ZCCHC4: variants seen among roughly 807,000 people sequenced by gnomAD.
ZCCHC4 encodes the protein rRNA N(6)-adenosine-methyltransferase ZCCHC4.
Under a neutral mutation model 67.7 loss-of-function variants are expected in ZCCHC4, and 54 were observed. The ratio of observed to expected loss-of-function variants is 0.80; its 90% CI spans 0.64 to 1.00. The LOEUF is 1.00. Among genes scored for constraint, ZCCHC4 ranks in the 50% least tolerant of loss-of-function variants. ZCCHC4 has a pLI of 0.00. For missense variants in ZCCHC4, 609 were observed against 617.0 expected, an observed-to-expected ratio of 0.99 and a Z score of 0.14; for synonymous variants, 198 against 213.5, an observed-to-expected ratio of 0.93 and a Z score of 0.63.
intron 5 of ZCCHC4, among the ~76,000 whole-genome samples, chr4:25,334,464 G>A (rs948664477): frequency 6.6e-6 from 1 of 152,156 alleles, no homozygotes; most frequent in African/African-American, 2.4e-5. Flanking sequence ...CTAAGTAGGG[G>A]ATAGACAGGT....
chr4:25,366,996 T>G (rs1469576427), intron 12 of ZCCHC4, among the ~76,000 whole-genome samples: 1 of 152,140 alleles, frequency 6.6e-6, no homozygotes, highest in East Asian at 1.9e-4. Context: ...ACACCTAAAC[T>G]CCTGTTAATA....
chr4:25,361,463 A>G (rs1442825030), intron 8 of ZCCHC4, among the ~76,000 whole-genome samples: 1 of 152,240 alleles, frequency 6.6e-6, no homozygotes, highest in East Asian at 1.9e-4. Context: ...CATGTTATAT[A>G]ACCACGCCAT....
chr4:25,336,395 C>G (rs969935296), intron 5 of ZCCHC4, among the ~76,000 whole-genome samples: 1 of 151,982 alleles, frequency 6.6e-6, no homozygotes, highest in African/African-American at 2.4e-5. Context: ...ATTCTGTGTT[C>G]CTTTCCTAAA....
At chr4:25,326,442 G>A (rs1718889650) in intron 3 of ZCCHC4, among the ~76,000 whole-genome samples, 1 of 152,210 alleles carries the variant, frequency 6.6e-6, no homozygotes, top group Non-Finnish European at 1.5e-5. Flanking sequence ...CTCTTTGGTA[G>A]GATGTGGGGA....
chr4:25,333,156 T>A (rs1285149858), intron 3 of ZCCHC4, 27 bp from the exon 4 acceptor site: 1 of 1,592,070 alleles, frequency 6.3e-7, no homozygotes, highest in South Asian at 1.1e-5. Context: ...TAAAATATAT[T>A]TCTTTGTGTT....
chr4:25,324,995 G>C (rs1050075710), intron 3 of ZCCHC4, among the ~76,000 whole-genome samples: 1 of 152,050 alleles, frequency 6.6e-6, no homozygotes, highest in Non-Finnish European at 1.5e-5. Context: ...TGTAATCCCA[G>C]CACTTTGGGA....
At chr4:25,323,022 A>G (rs1302493338) in intron 3 of ZCCHC4, among the ~76,000 whole-genome samples, 1 of 152,228 alleles carries the variant, frequency 6.6e-6, no homozygotes, top group Non-Finnish European at 1.5e-5. Flanking sequence ...GCATCACATC[A>G]AAAGGCAGAT....
At chr4:25,355,523 TG>T (rs1320262512) in intron 8 of ZCCHC4, among the ~76,000 whole-genome samples, 1 of 152,180 alleles carries the variant, frequency 6.6e-6, no homozygotes, top group Admixed American at 6.5e-5. Flanking sequence ...CCACCTGAGA[TG>T]TTCTGCTCTC....
chr4:25,369,158 C>T lies in ZCCHC4; in HGVS notation c.1536C>T (p.Gly512=), dbSNP rs1241769413. 1 of 1,610,012 alleles carries T rather than the reference C, an allele frequency of 6.2e-7. No homozygotes were observed. The highest frequency in any genetic ancestry group is 8.5e-7 in the Non-Finnish European group (1 of 1,179,190). Residue 512 remains glycine (G), a synonymous_variant, in exon 13 of 13, where the codon GGC becomes GGT. Transcript: ENST00000302874. ...KRRERAHQYL[G]S ...GGGAAAGAGCCCATCAATATCTTGG[C>T]TCTTAAATGTCCAGTGACTGGAGAA...
rs1377927598 is a variant in ZCCHC4, at chr4:25,312,846, G to A, written c.37G>A (p.Ala13Thr). ...CAGGAATGGGTTTGAAGCCGTGGAG[G>A]CAGAGGGCAGCGCAGGGTGCCGGGG... ...ASRNGFEAVE[A>T]EGSAGCRGSS... Residue 13 changes from alanine (A) to threonine (T), a missense_variant, in exon 1 of 13, where the codon GCA (alanine) becomes ACA (threonine). Coordinates refer to ENST00000302874, the MANE Select transcript of ZCCHC4 (RefSeq NM_024936.3). 6.2e-7 allele frequency: 1 copy of A among 1,613,282 alleles called. No homozygotes were observed. Among genetic ancestry groups the A allele is most frequent in the East Asian group, 2.2e-5 (1 of 44,872 alleles).
intron 6 of ZCCHC4, 131 bp from the exon 7 acceptor site, chr4:25,349,361 C>T (rs1214921683): frequency 2.6e-6 from 2 of 764,746 alleles, no homozygotes; most frequent in Admixed American, 2.7e-5. Flanking sequence ...CTGAGGAATG[C>T]TGCGGTGGCA....
chr4:25,346,876 A>T (rs1041571953), intron 6 of ZCCHC4, among the ~76,000 whole-genome samples: 4 of 152,196 alleles, frequency 2.6e-5, no homozygotes, highest in Non-Finnish European at 5.9e-5. Flanking sequence ...CGCAGCTGGG[A>T]CAGTGGCAGT....
chr4:25,353,457 G>A (rs1469277381), intron 8 of ZCCHC4, among the ~76,000 whole-genome samples: 2 of 152,292 alleles, frequency 1.3e-5, no homozygotes, highest in African/African-American at 2.4e-5. Context: ...TCTGTTTCTT[G>A]TCTGAGGGAT....
At chr4:25,337,872 C>T (rs893432366) in intron 5 of ZCCHC4, among the ~76,000 whole-genome samples, 1 of 152,064 alleles carries the variant, frequency 6.6e-6, no homozygotes, top group African/African-American at 2.4e-5. Context: ...AGTGGACTTA[C>T]TTACAAACAG....
intron 8 of ZCCHC4, among the ~76,000 whole-genome samples, chr4:25,355,310 GAA>G (rs1161483109): frequency 6.6e-6 from 1 of 152,182 alleles, no homozygotes; most frequent in Non-Finnish European, 1.5e-5. Context: ...GATTGAATCA[GAA>G]AAGAGATGGT....
At chr4:25,335,457 A>T (rs1374726250) in intron 5 of ZCCHC4, among the ~76,000 whole-genome samples, 1 of 152,016 alleles carries the variant, frequency 6.6e-6, no homozygotes, top group African/African-American at 2.4e-5. Context: ...CAAAAAAGAT[A>T]ATAATCATAA....
At chr4:25,366,039 A>C in intron 12 of ZCCHC4, 1 of 978,376 alleles carries the variant, frequency 1.0e-6, no homozygotes, top group South Asian at 4.7e-5. Flanking sequence ...CTACCATGTG[A>C]CTATGACTTG....
At position 25,362,257 on chromosome 4, in the gene ZCCHC4, C is replaced by G. The variant is rs756659982; in HGVS notation, c.1165C>G (p.Leu389Val). 6.2e-7 allele frequency: 1 copy of G among 1,611,448 alleles called. No homozygotes were observed. The highest frequency in any genetic ancestry group is 8.5e-7 in the Non-Finnish European group (1 of 1,178,514). The change falls in exon 10 of 13, where the codon CTA becomes GTA. Residue 389 changes from leucine to valine, a missense_variant. Coordinates refer to ENST00000302874, the MANE Select transcript of ZCCHC4 (RefSeq NM_024936.3). ...CTCTCCGTGTCAACGGTATGTTTCT[C>G]TAGAGAATCAACACTGTGAGCTCTG... is the stretch of plus-strand genomic sequence containing the variant. ...FCSPCQRYVS[L>V]ENQHCELCNS...
chr4:25,340,117 C>G (rs922477791), intron 5 of ZCCHC4, among the ~76,000 whole-genome samples: 3 of 152,170 alleles, frequency 2.0e-5, no homozygotes. Flanking sequence ...ATCCACCCGC[C>G]TCGGCCTCCC....
Sources: gnomAD v4.1 joint callset for allele counts (sites outside exome capture counted in the v4.1 genomes callset) on GRCh38, gnomAD v4.1.1 for gene constraint, MANE v1.5 for transcripts, NCBI Gene and HGNC (gene_info 2026-07-23, HGNC 2026-07-21) for gene names.